Variants in SNX16 observed in about 807,000 individuals in gnomAD.
SNX16 encodes the protein sorting nexin-16.
In SNX16, 35 loss-of-function variants were observed where a neutral mutation model predicts 36.7. The ratio of observed to expected loss-of-function variants is 0.95; its 90% CI spans 0.73 to 1.27. The LOEUF is 1.27. Among genes scored for constraint, SNX16 ranks in the 50% most tolerant of loss-of-function variants. The probability of loss-of-function intolerance (pLI) is 0.00; values close to 1 mark genes in which losing one functional copy is unlikely to be tolerated. For synonymous variants in SNX16, 134 were observed against 132.0 expected (o/e 1.02, Z -0.10); for missense variants, 367 against 393.6 (o/e 0.93, Z 0.57).
intron 5 of SNX16, among the ~76,000 whole-genome samples, chr8:81,811,045 C>G (rs116038929): frequency 0.011 from 1,673 of 152,202 alleles, 30 homozygotes; most frequent in African/African-American, 0.038. Flanking sequence ...GAACTAAAGG[C>G]TGTCTTGCAA....
intron 1 of SNX16, among the ~76,000 whole-genome samples, chr8:81,840,805 C>T (rs1811716984): frequency 6.6e-6 from 1 of 152,212 alleles, no homozygotes; most frequent in African/African-American, 2.4e-5. Context: ...ATAACTTACA[C>T]TCAAGAATCT....
chr8:81,837,800 C>T (rs1273649023), intron 2 of SNX16, among the ~76,000 whole-genome samples: 1 of 151,988 alleles, frequency 6.6e-6, no homozygotes, highest in East Asian at 1.9e-4. Flanking sequence ...GGAAATTGGC[C>T]ATCAGTTTAT....
At position 81,823,908 on chromosome 8, in the gene SNX16, T is replaced by A; in HGVS notation, c.495A>T (p.Ala165=). 1 of 1,611,254 alleles carries A rather than the reference T, an allele frequency of 6.2e-7. No homozygotes were observed. ...LKEMFPGFRL[A]LPPKRWFKDN... Reference sequence around the variant, plus strand: ...CTTTAAACCAGCGTTTTGGAGGAAGTGCTAGTCGAAAACCTGGAAACATCT... The same window carrying A: ...CTTTAAACCAGCGTTTTGGAGGAAGAGCTAGTCGAAAACCTGGAAACATCT... Residue 165 remains alanine (A), a synonymous_variant, in exon 4 of 8, where the codon GCA becomes GCT. Coordinates refer to ENST00000345957, the MANE Select transcript of SNX16 (RefSeq NM_152836.3).
At chr8:81,815,938 T>C (rs1472376081) in intron 4 of SNX16, among the ~76,000 whole-genome samples, 1 of 152,112 alleles carries the variant, frequency 6.6e-6, no homozygotes, top group East Asian at 1.9e-4. Flanking sequence ...GACCACAAAT[T>C]TTAAAATAGT....
chr8:81,835,720 C>T (rs1412416703), intron 2 of SNX16, among the ~76,000 whole-genome samples: 1 of 152,214 alleles, frequency 6.6e-6, no homozygotes, highest in East Asian at 1.9e-4. Flanking sequence ...CCAACTAAGA[C>T]TACCTCAGCC....
rs113316968 is a variant in SNX16 at position 81,834,529 on chromosome 8, A to G, written c.376-5013T>C. Reference sequence around the variant, plus strand: ...AAGTCCCTTCCGTCTATGAGCCTATAAAATCAAAAGCAAGCTAGTTACTTA... The same window carrying G: ...AAGTCCCTTCCGTCTATGAGCCTATGAAATCAAAAGCAAGCTAGTTACTTA... On this transcript the variant is annotated intron_variant, in intron 2 of 7. Transcript: ENST00000345957. Among the ~76,000 whole-genome samples the G allele has an allele frequency of 8.1e-3, 1,241 of 152,340 alleles. 11 individuals are homozygous for G. Among genetic ancestry groups the G allele is most frequent in the African/African-American group, 0.026 (1,083 of 41,578 alleles).
rs751699722 is a variant in SNX16, at chr8:81,802,550, ATGT to A, written c.819-54_819-52del. 60 of 1,517,876 alleles carry A rather than the reference ATGT, an allele frequency of 4.0e-5. 2 individuals carry two copies. Among genetic ancestry groups the A allele is most frequent in the Non-Finnish European group, 5.1e-5 (57 of 1,112,846 alleles). The allele number at this position is 1,517,876 out of a possible 1,614,324, so 94.0% of individuals were successfully genotyped here. A position where few individuals can be genotyped will look rare whatever the true frequency, so the allele number is the denominator to read the frequency against. ...TATTTTCTATGAACAAAACAGGCATATGTTTAATGTTGTGAATACAGGTAGCTA... is the reference window on the plus strand; with the variant it reads ...TATTTTCTATGAACAAAACAGGCATATTAATGTTGTGAATACAGGTAGCTA... On this transcript the variant is annotated intron_variant, in intron 6 of 7. Transcript: ENST00000345957.
chr8:81,825,391 CA>C (rs1246902758), intron 3 of SNX16, among the ~76,000 whole-genome samples: 6 of 152,184 alleles, frequency 3.9e-5, no homozygotes, highest in Non-Finnish European at 8.8e-5. Flanking sequence ...ACTCTGGCTG[CA>C]CATTAGAATC....
intron 2 of SNX16, among the ~76,000 whole-genome samples, chr8:81,831,198 G>A (rs779511746): frequency 2.3e-4 from 35 of 152,262 alleles, no homozygotes; most frequent in Non-Finnish European, 4.4e-4. Context: ...TCTGGACATC[G>A]GCCTTGGGAA....
chr8:81,829,971 G>C (rs1033007460), intron 2 of SNX16, among the ~76,000 whole-genome samples: 10 of 152,184 alleles, frequency 6.6e-5, no homozygotes, highest in Admixed American at 1.3e-4. Context: ...AATCAGGCAA[G>C]ATATAAATAA....
intron 4 of SNX16, chr8:81,815,660 C>G: frequency 3.6e-6 from 1 of 279,910 alleles, no homozygotes; most frequent in South Asian, 5.1e-5. Context: ...GTTCAAGAGA[C>G]CAACATAGTG....
chr8:81,813,720 A>C (rs1387066897), intron 5 of SNX16, among the ~76,000 whole-genome samples: 1 of 151,972 alleles, frequency 6.6e-6, no homozygotes, highest in African/African-American at 2.4e-5. Context: ...AGATTTTATA[A>C]CTGAATAAGA....
intron 5 of SNX16, among the ~76,000 whole-genome samples, chr8:81,806,963 C>T (rs1264005474): frequency 6.6e-6 from 1 of 151,512 alleles, no homozygotes. Flanking sequence ...AAAAAAAACC[C>T]TCCATATGCA....
chr8:81,805,877 C>T (rs1302247820), intron 5 of SNX16, among the ~76,000 whole-genome samples: 2 of 151,952 alleles, frequency 1.3e-5, no homozygotes, highest in Admixed American at 1.3e-4. Context: ...GCCGAAATAG[C>T]GCCACTGCAC....
At position 81,803,283 on chromosome 8, in the gene SNX16, T is replaced by C. The variant is rs1251356689; in HGVS notation, c.682-55A>G. The C allele has an allele frequency of 2.0e-6, 3 of 1,509,966 alleles. No individual in the cohort carries two copies. The East Asian group carries it at 7.0e-5, about 35-fold the overall frequency. The allele number at this position is 1,509,966 out of a possible 1,614,324, so 93.5% of individuals were successfully genotyped here. On this transcript the variant is annotated intron_variant, in intron 5 of 7. Coordinates refer to ENST00000345957, the MANE Select transcript of SNX16 (RefSeq NM_152836.3). ...ACATGCAGAAAAAGAATACAATTAATTACAAATGCAGTATCTTTCTCAAGA... is the reference window on the plus strand; with the variant it reads ...ACATGCAGAAAAAGAATACAATTAACTACAAATGCAGTATCTTTCTCAAGA...
chr8:81,803,159 T>G lies in SNX16; in HGVS notation c.751A>C (p.Met251Leu), dbSNP rs1809782314. ...QKELLEKQKE[M>L]ESLKKLLSEK... ...CTGAGCAGTTTCTTTAGTGATTCCA[T>G]CTCCTTTTGTTTTTCAAGTAGTTCT... The change falls in exon 6 of 8, where the codon ATG becomes CTG. Residue 251 changes from methionine (M) to leucine (L), a missense_variant. Transcript: ENST00000345957. The G allele has an allele frequency of 6.2e-7, 1 of 1,612,246 alleles. No homozygotes were observed. Among genetic ancestry groups the G allele is most frequent in the Non-Finnish European group, 8.5e-7 (1 of 1,178,896 alleles).
chr8:81,801,186 T>G lies in SNX16; in HGVS notation c.*311A>C, dbSNP rs1037091691. On this transcript the variant is annotated 3_prime_UTR_variant, in exon 8 of 8. Coordinates refer to ENST00000345957, the MANE Select transcript of SNX16 (RefSeq NM_152836.3). ...CACACATACATATATACACAGTAGTTTGGAGCAATATATAGGCAAAACACC... is the reference window on the plus strand; with the variant it reads ...CACACATACATATATACACAGTAGTGTGGAGCAATATATAGGCAAAACACC... 1.0e-5 allele frequency: 2 copies of G among 195,848 alleles called. No homozygotes were observed. Among genetic ancestry groups the G allele is most frequent in the African/African-American group, 4.7e-5 (2 of 42,874 alleles). 12.1% of individuals were successfully genotyped at this position (195,848 alleles called of 1,614,324 possible).
At chr8:81,822,947 C>CATATATATAT (rs949455303) in intron 4 of SNX16, among the ~76,000 whole-genome samples, 29 of 52,302 alleles carry the variant, frequency 5.5e-4, no homozygotes, top group African/African-American at 1.3e-3. Context: ...TATACATATA[C>CATATATATAT]ATATATATAT....
At chr8:81,835,230 G>A (rs1811440837) in intron 2 of SNX16, among the ~76,000 whole-genome samples, 2 of 152,192 alleles carry the variant, frequency 1.3e-5, no homozygotes, top group Non-Finnish European at 1.5e-5. Flanking sequence ...AGGGCACCAA[G>A]CCTCTAGGCT....
Sources: allele counts gnomAD v4.1 joint callset (sites outside exome capture counted in the v4.1 genomes callset), GRCh38; gene constraint gnomAD v4.1.1; transcripts MANE v1.5; gene names NCBI Gene and HGNC (gene_info 2026-07-23, HGNC 2026-07-21).